CDIN1: variants seen among roughly 807,000 people sequenced by gnomAD.
CDIN1 encodes the protein CDAN1-interacting nuclease 1.
In CDIN1, 33 loss-of-function variants were observed where a neutral mutation model predicts 45.3. The observed-to-expected ratio is 0.73, with a 90% CI of 0.55 to 0.97. CDIN1 has a LOEUF of 0.97. CDIN1 is among the 50% of genes least tolerant of loss of function. CDIN1 has a pLI of 0.00. For synonymous variants in CDIN1, 118 were observed against 124.4 expected, an observed-to-expected ratio of 0.95 and a Z score of 0.34; for missense variants, 303 against 339.4, an observed-to-expected ratio of 0.89 and a Z score of 0.84.
chr15:36,581,733 G>A (rs2037057421), intron 1 of CDIN1, among the ~76,000 whole-genome samples: 1 of 152,174 alleles, frequency 6.6e-6, no homozygotes, highest in Non-Finnish European at 1.5e-5. Flanking sequence ...CAAAAAATTA[G>A]CTGGGTGTGG....
At chr15:36,682,019 A>G (rs1259556455) in intron 5 of CDIN1, among the ~76,000 whole-genome samples, 1 of 152,178 alleles carries the variant, frequency 6.6e-6, no homozygotes, top group Non-Finnish European at 1.5e-5. Flanking sequence ...GTTTAAAAAA[A>G]TGGAAATCAA....
chr15:36,658,024 A>C, intron 5 of CDIN1, 119 bp downstream of exon 5: 1 of 744,448 alleles, frequency 1.3e-6, no homozygotes, highest in Non-Finnish European at 2.2e-6. Context: ...TATCATGAAC[A>C]GTTAATGACA....
chr15:36,646,140 T>C (rs990194994), intron 3 of CDIN1, among the ~76,000 whole-genome samples: 2 of 152,182 alleles, frequency 1.3e-5, no homozygotes, highest in Admixed American at 6.6e-5. Context: ...ATACTTAAGA[T>C]TGACAGATGA....
chr15:36,597,311 A>G (rs926707394), intron 1 of CDIN1, among the ~76,000 whole-genome samples: 1 of 152,162 alleles, frequency 6.6e-6, no homozygotes, highest in Non-Finnish European at 1.5e-5. Flanking sequence ...AGAATTTGCA[A>G]TGCTCAAACT....
intron 1 of CDIN1, among the ~76,000 whole-genome samples, chr15:36,632,736 C>G (rs2039732228): frequency 1.3e-5 from 2 of 152,182 alleles, no homozygotes; most frequent in African/African-American, 4.8e-5. Context: ...AGGGTTCTCT[C>G]CCCTCTGCAG....
At chr15:36,636,285 G>T (rs1393360173) in intron 1 of CDIN1, among the ~76,000 whole-genome samples, 1 of 152,210 alleles carries the variant, frequency 6.6e-6, no homozygotes, top group Non-Finnish European at 1.5e-5. Context: ...AGGCGCGGTG[G>T]CTCACGCCTG....
chr15:36,634,209 T>G (rs1368492447), intron 1 of CDIN1, among the ~76,000 whole-genome samples: 1 of 152,066 alleles, frequency 6.6e-6, no homozygotes, highest in Non-Finnish European at 1.5e-5. Context: ...GGCAGGTGGA[T>G]CACAAGATCA....
chr15:36,620,195 C>T (rs945374703), intron 1 of CDIN1, among the ~76,000 whole-genome samples: 33 of 151,942 alleles, frequency 2.2e-4, no homozygotes, highest in Non-Finnish European at 2.8e-4. Context: ...ACTAAAAATA[C>T]AAAAAATTAG....
intron 1 of CDIN1, among the ~76,000 whole-genome samples, chr15:36,623,943 C>A (rs1013897435): frequency 2.0e-5 from 3 of 152,110 alleles, no homozygotes; most frequent in African/African-American, 7.2e-5. Flanking sequence ...TCACTTTTCT[C>A]CCTTAGTTTC....
At chr15:36,675,339 G>A (rs898798366) in intron 5 of CDIN1, among the ~76,000 whole-genome samples, 10 of 151,930 alleles carry the variant, frequency 6.6e-5, no homozygotes, top group African/African-American at 1.9e-4. Context: ...TGTTGACCAC[G>A]GCCACTGTAA....
intron 1 of CDIN1, among the ~76,000 whole-genome samples, chr15:36,611,894 A>G (rs2038668944): frequency 6.6e-6 from 1 of 152,236 alleles, no homozygotes; most frequent in Admixed American, 6.5e-5. Flanking sequence ...ATATAGTAGG[A>G]ATTTAAAATG....
chr15:36,613,729 G>C (rs2038758166), intron 1 of CDIN1: 6 of 1,569,560 alleles, frequency 3.8e-6, no homozygotes, highest in Non-Finnish European at 5.2e-6. Context: ...CTGCTGATGA[G>C]AGTGAGACAG....
chr15:36,655,676 A>G (rs529888622), intron 4 of CDIN1, among the ~76,000 whole-genome samples: 8 of 152,300 alleles, frequency 5.3e-5, no homozygotes, highest in African/African-American at 1.7e-4. Flanking sequence ...AGTTTATGCT[A>G]TTAGTAACTT....
At chr15:36,662,457 CAAA>C in intron 5 of CDIN1, among the ~76,000 whole-genome samples, 1 of 24,930 alleles carries the variant, frequency 4.0e-5, no homozygotes, top group Admixed American at 4.2e-4. Flanking sequence ...GCTAGGCCAT[CAAA>C]AGATGGTACA....
chr15:36,603,052 C>T (rs2140240344), intron 1 of CDIN1, among the ~76,000 whole-genome samples: 1 of 152,006 alleles, frequency 6.6e-6, no homozygotes, highest in South Asian at 2.1e-4. Flanking sequence ...ATACAAATCA[C>T]ACTCCTCTGG....
chr15:36,617,035 G>T, intron 1 of CDIN1: 1 of 750,592 alleles, frequency 1.3e-6, no homozygotes, highest in East Asian at 2.4e-5. Context: ...GCACGGGCCT[G>T]TGAGCCAGTT....
At chr15:36,763,737 A>G (rs1276276261) in intron 10 of CDIN1, among the ~76,000 whole-genome samples, 3 of 152,096 alleles carry the variant, frequency 2.0e-5, no homozygotes, top group African/African-American at 7.2e-5. Flanking sequence ...TCTACATTGT[A>G]TGTCTGTGTT....
At chr15:36,808,230 T>C in intron 10 of CDIN1, 94 bp from the exon 11 acceptor site, 1 of 1,541,064 alleles carries the variant, frequency 6.5e-7, no homozygotes, top group Non-Finnish European at 8.8e-7. Context: ...TGTGCAGTCC[T>C]GTCATTTAAT....
intron 8 of CDIN1, chr15:36,702,167 A>T (rs2042669891): frequency 4.3e-6 from 3 of 701,042 alleles, no homozygotes; most frequent in African/African-American, 1.7e-5. Context: ...TTCATAAGGA[A>T]TCCACCATTT....
Sources: gnomAD v4.1 joint callset for allele counts (sites outside exome capture counted in the v4.1 genomes callset) on GRCh38, gnomAD v4.1.1 for gene constraint, MANE v1.5 for transcripts, NCBI Gene and HGNC (gene_info 2026-07-23, HGNC 2026-07-21) for gene names.